Variants in TM2D3 observed in about 807,000 individuals in gnomAD.
The protein encoded by TM2D3 is TM2 domain containing 3.
TM2D3 carries 33 observed loss-of-function variants against 27.3 expected under a neutral mutation model. The observed-to-expected ratio is 1.21, with a 90% confidence interval of 0.92 to 1.61. TM2D3 has a LOEUF of 1.61. TM2D3 is among the 40% of genes most tolerant of loss of function. The pLI, the probability that TM2D3 is intolerant of heterozygous loss-of-function variation, is 0.00. For missense variants in TM2D3, 364 were observed against 320.8 expected, an observed-to-expected ratio of 1.13 and a Z score of -1.03; for synonymous variants, 138 against 122.2, an observed-to-expected ratio of 1.13 and a Z score of -0.85.
intron 4 of TM2D3, chr15:101,634,157 G>C (rs1426824661): frequency 6.5e-6 from 1 of 153,708 alleles, no homozygotes; most frequent in Non-Finnish European, 1.4e-5. Flanking sequence ...GTCTGGGCCA[G>C]GCATGGGGAC....
intron 1 of TM2D3, chr15:101,652,038 C>G: frequency 1.8e-6 from 1 of 559,498 alleles, no homozygotes; most frequent in Non-Finnish European, 3.1e-6. Flanking sequence ...GCTCCATCTC[C>G]GTGCCAGGGC....
intron 3 of TM2D3, among the ~76,000 whole-genome samples, chr15:101,647,413 A>G (rs1896844498): frequency 6.6e-6 from 1 of 152,074 alleles, no homozygotes; most frequent in Non-Finnish European, 1.5e-5. Flanking sequence ...CGAGTTGCCA[A>G]CCTTCCCTAA....
At position 101,646,827 on chromosome 15, in the gene TM2D3, T is replaced by C. The variant is rs754177749; in HGVS notation, c.400A>G (p.Thr134Ala). 6.2e-7 allele frequency: 1 copy of C among 1,614,198 alleles called. No individual in the cohort carries two copies. Among genetic ancestry groups the C allele is most frequent in the Non-Finnish European group, 8.5e-7 (1 of 1,180,034 alleles). Residue 134 changes from threonine to alanine, a missense_variant, in exon 4 of 6, where the codon ACA becomes GCA. Transcript: ENST00000333202. ...TCRFCWQLPE[T>A]DYECTNSTSC... ...GTGGAGTTGGTACACTCGTAATCTG[T>C]TTCAGGAAGCTGCCAGCAAAATCTG...
intron 4 of TM2D3, 97 bp downstream of exon 4, chr15:101,646,628 A>T: frequency 7.5e-7 from 1 of 1,338,764 alleles, no homozygotes; most frequent in Non-Finnish European, 1.1e-6. Flanking sequence ...AAATGTTTCT[A>T]ATTAAGTAAC....
At chr15:101,651,950 A>G (rs1896988615) in intron 1 of TM2D3, 177 bp from the exon 2 acceptor site, 4 of 645,186 alleles carry the variant, frequency 6.2e-6, no homozygotes, top group African/African-American at 1.8e-5. Context: ...AGTAGACATC[A>G]GTTCAGGTCA....
At chr15:101,638,063 C>A (rs1311054190), downstream of TM2D3, among the ~76,000 whole-genome samples, 1 of 152,100 alleles carries the variant, frequency 6.6e-6, no homozygotes, top group Non-Finnish European at 1.5e-5. Context: ...AAAGTTTCCT[C>A]CCCAGGGAAT....
At chr15:101,648,815 TA>T (rs1896888876) in intron 3 of TM2D3, among the ~76,000 whole-genome samples, 1 of 150,284 alleles carries the variant, frequency 6.7e-6, no homozygotes, top group Non-Finnish European at 1.5e-5. Context: ...TCTTTTGCTT[TA>T]ATGAGCAATG....
intron 3 of TM2D3, among the ~76,000 whole-genome samples, chr15:101,647,161 G>C (rs1303757386): frequency 6.6e-6 from 1 of 152,108 alleles, no homozygotes; most frequent in African/African-American, 2.4e-5. Context: ...AATAGCAAAG[G>C]TTATTTCAGG....
intron 4 of TM2D3, chr15:101,636,597 G>T (rs566879143): frequency 5.8e-4 from 98 of 168,104 alleles, no homozygotes; most frequent in Non-Finnish European, 8.6e-4. Context: ...GGGCCTCCCG[G>T]ATTCATTTTG....
intron 5 of TM2D3, 57 bp from the exon 6 acceptor site, chr15:101,642,701 G>A: frequency 6.8e-7 from 1 of 1,465,070 alleles, no homozygotes; most frequent in Admixed American, 2.2e-5. Context: ...GCTGTGGCCA[G>A]TCACGGTTTA....
At chr15:101,646,450 A>G (rs1896812288) in intron 4 of TM2D3, 2 of 218,182 alleles carry the variant, frequency 9.2e-6, no homozygotes, top group Non-Finnish European at 9.9e-6. Flanking sequence ...TGCTGCTTTC[A>G]TTGTTATTTT....
chr15:101,638,295 C>A (rs1011843162), downstream of TM2D3, among the ~76,000 whole-genome samples: 37 of 151,032 alleles, frequency 2.4e-4, no homozygotes, highest in East Asian at 5.2e-3. Context: ...GAGACCCCCC[C>A]ACCTTTTTTT....
At chr15:101,649,155 G>A (rs1896902098) in intron 3 of TM2D3, among the ~76,000 whole-genome samples, 1 of 152,106 alleles carries the variant, frequency 6.6e-6, no homozygotes, top group Admixed American at 6.5e-5. Flanking sequence ...TGAACCATCT[G>A]CTCATGTCCT....
chr15:101,652,288 C>G lies in TM2D3; in HGVS notation c.74G>C (p.Cys25Ser), dbSNP rs997412952. Residue 25 changes from cysteine (C) to serine (S), a missense_variant, in exon 1 of 6, where the codon TGC (cysteine) becomes TCC (serine). Cys to Ser is a moderately radical substitution (Grantham distance 112). Coordinates refer to ENST00000333202, the MANE Select transcript of TM2D3 (RefSeq NM_078474.3). ...TGACTCACCACCGCCCGACAGAATG[C>G]AGAACTGCGAGAGGAAGAGCAGCAC... is the stretch of plus-strand genomic sequence containing the variant. Reference protein sequence around the residue: ...CRVLLFLSQFCILSGGEQSQA... With the variant: ...CRVLLFLSQFSILSGGEQSQA... The G allele has an allele frequency of 6.2e-7, 1 of 1,605,060 alleles. No individual in the cohort carries two copies. Among genetic ancestry groups the G allele is most frequent in the African/African-American group, 1.4e-5 (1 of 73,138 alleles).
At chr15:101,648,257 T>G (rs1896869602) in intron 3 of TM2D3, 1 of 152,196 alleles carries the variant, frequency 6.6e-6, no homozygotes, top group Admixed American at 6.5e-5. Context: ...AGAAGAGCCA[T>G]CCTAATTCTC....
In TM2D3 at chr15:101,651,765, G is replaced by A; in HGVS notation, c.100C>T (p.Gln34Ter). 1.9e-6 allele frequency: 3 copies of A among 1,614,162 alleles called. No homozygotes were observed. Among genetic ancestry groups the A allele is most frequent in the Non-Finnish European group, 2.5e-6 (3 of 1,180,014 alleles). ...TCCTTTATTGACTGAGCCAGCGCCT[G>A]CGATTGCTCTAAATTTAAGGATCGT... Reference protein sequence around the residue: ...FCILSGGEQSQALAQSIKDPG... With the variant: ...FCILSGGEQS Residue 34 changes from glutamine (Q) to a stop codon, truncating the protein, a stop_gained, in exon 2 of 6, where the codon CAG becomes TAG. Transcript: ENST00000333202. LOFTEE classifies it high-confidence loss of function.
At position 101,642,097 on chromosome 15, in the gene TM2D3, C is replaced by T; in HGVS notation, c.*382G>A. 1.0e-6 allele frequency: 1 copy of T among 990,182 alleles called. No individual in the cohort carries two copies. The highest frequency in any genetic ancestry group is 1.2e-6 in the Non-Finnish European group (1 of 832,968). The allele number at this position is 990,182 out of a possible 1,614,324, so 61.3% of individuals were successfully genotyped here. A position where few individuals can be genotyped will look rare whatever the true frequency, so the allele number is the denominator to read the frequency against. ...CACAGCAATTAGCTAACAATAAAAA[C>T]ACTCCCACTTCCTGCAGTCACAGCT... On this transcript the variant is annotated 3_prime_UTR_variant, in exon 6 of 6. Transcript: ENST00000333202.
intron 3 of TM2D3, 36 bp downstream of exon 3, chr15:101,649,968 T>A (rs1267699618): frequency 6.3e-7 from 1 of 1,582,858 alleles, no homozygotes; most frequent in Non-Finnish European, 8.6e-7. Context: ...AAGTTTACAA[T>A]GAATTTATTT....
downstream of TM2D3, chr15:101,636,970 A>G (rs1381819801): frequency 1.7e-5 from 7 of 403,916 alleles, no homozygotes; most frequent in African/African-American, 8.4e-5. Flanking sequence ...TCCGAACCAA[A>G]TATGAGTGAG....
Sources: allele counts gnomAD v4.1 joint callset (sites outside exome capture counted in the v4.1 genomes callset), GRCh38; gene constraint gnomAD v4.1.1; transcripts MANE v1.5; gene names NCBI Gene and HGNC (gene_info 2026-07-23, HGNC 2026-07-21).